The following MAGI1 variants were observed in gnomAD, a reference collection of about 807,000 sequenced individuals.
MAGI1 encodes membrane-associated guanylate kinase, WW and PDZ domain-containing protein 1.
A neutral mutation model predicts 139.9 loss-of-function variants in MAGI1; 58 were observed. The observed-to-expected ratio is 0.41, with a 90% CI of 0.34 to 0.52. The LOEUF (loss-of-function observed/expected upper bound fraction) is 0.52. Among genes scored for constraint, MAGI1 ranks in the 20% least tolerant of loss-of-function variants. The pLI is 0.12. For missense variants in MAGI1, 1,874 were observed against 1,901.6 expected, an observed-to-expected ratio of 0.99 and a Z score of 0.27; for synonymous variants, 812 against 737.9, an observed-to-expected ratio of 1.10 and a Z score of -1.63.
intron 1 of MAGI1, chr3:65,688,443 A>C (rs2088267643): frequency 2.0e-6 from 1 of 489,960 alleles, no homozygotes; most frequent in Non-Finnish European, 4.0e-6. Flanking sequence ...GGAGAGGAAG[A>C]AGAAAGCATG....
intron 12 of MAGI1, among the ~76,000 whole-genome samples, chr3:65,414,326 T>C (rs772988426): frequency 3.9e-5 from 6 of 152,234 alleles, no homozygotes; most frequent in Non-Finnish European, 5.9e-5. Context: ...CGATAACTTA[T>C]ATAGGACAAA....
intron 5 of MAGI1, among the ~76,000 whole-genome samples, chr3:65,458,765 CCTCA>C (rs1949575588): frequency 6.6e-6 from 1 of 152,068 alleles, no homozygotes; most frequent in Non-Finnish European, 1.5e-5. Flanking sequence ...TGGGTTGTCT[CCTCA>C]CTTTGTTTCC....
At chr3:65,534,718 C>T (rs1013954792) in intron 2 of MAGI1, among the ~76,000 whole-genome samples, 13 of 152,138 alleles carry the variant, frequency 8.5e-5, no homozygotes, top group African/African-American at 1.2e-4. Context: ...AGAACACTGA[C>T]GATGATGGCA....
chr3:65,642,822 A>G (rs9866250), intron 1 of MAGI1, among the ~76,000 whole-genome samples: 9,026 of 152,226 alleles, frequency 0.059, 895 homozygotes, highest in African/African-American at 0.2. Flanking sequence ...TCCATCTCTC[A>G]TTTGATAGGT....
At chr3:65,401,964 C>T (rs777024749) in intron 12 of MAGI1, 239 of 908,060 alleles carry the variant, frequency 2.6e-4, no homozygotes, top group Non-Finnish European at 3.0e-4. Context: ...TTTTTTTCCT[C>T]TGCCTTTCGG....
chr3:66,015,071 G>A (rs1294888782), intron 1 of MAGI1, among the ~76,000 whole-genome samples: 1 of 151,650 alleles, frequency 6.6e-6, no homozygotes, highest in Admixed American at 6.6e-5. Context: ...GACCAGACAG[G>A]GTGGCTCATG....
intron 1 of MAGI1, among the ~76,000 whole-genome samples, chr3:65,855,620 A>AGAGGGGAGAGGAAGGGAGAGGGGAGGG (rs1575723130): frequency 1.5e-4 from 1 of 6,870 alleles, no homozygotes; most frequent in African/African-American, 5.8e-4. Context: ...GATGGGGAGG[A>AGAGGGGAGAGGAAGGGAGAGGGGAGGG]GAGAGGGGAG....
intron 1 of MAGI1, among the ~76,000 whole-genome samples, chr3:65,941,868 T>C (rs2063331609): frequency 6.6e-6 from 1 of 152,230 alleles, no homozygotes; most frequent in Non-Finnish European, 1.5e-5. Context: ...CTTGGCTCAC[T>C]GCAGCCTCTG....
chr3:66,012,432 AC>A (rs1256159669), intron 1 of MAGI1, among the ~76,000 whole-genome samples: 1 of 151,920 alleles, frequency 6.6e-6, no homozygotes, highest in Non-Finnish European at 1.5e-5. Flanking sequence ...TTACCTTGAA[AC>A]AAAAAAAAAA....
chr3:65,442,287 C>G (rs1292277009), intron 8 of MAGI1, among the ~76,000 whole-genome samples: 3 of 152,124 alleles, frequency 2.0e-5, no homozygotes, highest in Non-Finnish European at 4.4e-5. Flanking sequence ...GCATCCTAGG[C>G]TAGTTCTCCA....
intron 2 of MAGI1, among the ~76,000 whole-genome samples, chr3:65,578,923 A>AAG (rs139290080): frequency 0.1 from 14,561 of 145,622 alleles, 907 homozygotes; most frequent in African/African-American, 0.17. Context: ...TCTGTCTCCA[A>AAG]AGAGAGAGAG....
chr3:65,855,413 C>T (rs1310366676), intron 1 of MAGI1, among the ~76,000 whole-genome samples: 1 of 150,756 alleles, frequency 6.6e-6, no homozygotes, highest in Non-Finnish European at 1.5e-5. Context: ...CCCATCTCTA[C>T]AAATAAAATA....
rs558455871 is a variant in MAGI1 at position 65,429,736 on chromosome 3, T to A, written c.1951A>T (p.Met651Leu). Residue 651 changes from methionine (M) to leucine (L), a missense_variant, in exon 12 of 23, where the codon ATG becomes TTG. Around this residue, in one of 5 missense-constraint regions of MAGI1, gnomAD observed 482 missense variants for 509.6 expected, o/e 0.95. Transcript: ENST00000402939. ...LITVHIVKGPMGFGFTIADSP... is the reference protein window; with the variant it reads ...LITVHIVKGPLGFGFTIADSP... Reference sequence around the variant, plus strand: ...TCTGCGATAGTAAAACCAAAGCCCATTGGCCCTTTGACAATATGAACAGTT... The same window carrying A: ...TCTGCGATAGTAAAACCAAAGCCCAATGGCCCTTTGACAATATGAACAGTT... The A allele has an allele frequency of 6.6e-5, 106 of 1,613,964 alleles. No homozygotes were observed. Among genetic ancestry groups the A allele is most frequent in the South Asian group, 5.4e-4 (49 of 91,080 alleles).
chr3:65,791,841 T>C (rs2039795999), intron 1 of MAGI1, among the ~76,000 whole-genome samples: 2 of 152,180 alleles, frequency 1.3e-5, no homozygotes, highest in African/African-American at 2.4e-5. Context: ...TTTAAGGCTT[T>C]TTCAAAAGGA....
At chr3:66,000,001 C>T (rs540138925) in intron 1 of MAGI1, among the ~76,000 whole-genome samples, 2 of 116,034 alleles carry the variant, frequency 1.7e-5, no homozygotes, top group Admixed American at 2.3e-4. Context: ...GATACGGAGT[C>T]TCGCTCTGTC....
chr3:65,510,045 C>T (rs1191049372), intron 2 of MAGI1, among the ~76,000 whole-genome samples: 10 of 152,208 alleles, frequency 6.6e-5, no homozygotes, highest in African/African-American at 2.2e-4. Context: ...CAGGGGCACA[C>T]TGACACCTCA....
chr3:65,813,179 C>G (rs1304655808), intron 1 of MAGI1, among the ~76,000 whole-genome samples: 3 of 151,990 alleles, frequency 2.0e-5, no homozygotes, highest in African/African-American at 7.3e-5. Flanking sequence ...GCACATATAC[C>G]TGAACTGACT....
chr3:65,963,774 G>C (rs1411883493), intron 1 of MAGI1, among the ~76,000 whole-genome samples: 6 of 152,172 alleles, frequency 3.9e-5, no homozygotes, highest in African/African-American at 1.2e-4. Flanking sequence ...CAAAACAGGA[G>C]AAAAATTTCA....
intron 5 of MAGI1, among the ~76,000 whole-genome samples, chr3:65,468,889 T>C (rs1237763587): frequency 6.6e-6 from 1 of 150,988 alleles, no homozygotes; most frequent in Admixed American, 6.6e-5. Flanking sequence ...TGAGCTATGA[T>C]CATGCTACTG....
Sources: gnomAD v4.1 joint callset for allele counts (sites outside exome capture counted in the v4.1 genomes callset) on GRCh38, gnomAD v4.1.1 for gene constraint, gnomAD v4.1.1 regional missense constraint, MANE v1.5 for transcripts, NCBI Gene and HGNC (gene_info 2026-07-23, HGNC 2026-07-21) for gene names.